GREB1L: variants seen among roughly 807,000 people sequenced by gnomAD.
The protein encoded by GREB1L is GREB1-like protein.
A neutral mutation model predicts 200.8 loss-of-function variants in GREB1L; 17 were observed. The ratio of observed to expected loss-of-function variants is 0.08; its 90% CI spans 0.06 to 0.13. The LOEUF is 0.13. Ranked by LOEUF, GREB1L falls within the 10% of genes least tolerant of loss-of-function variation. GREB1L has a pLI of 1.00. For missense variants in GREB1L, 1,657 were observed against 2,367.7 expected, an observed-to-expected ratio of 0.70 and a Z score of 6.23; for synonymous variants, 789 against 893.0, an observed-to-expected ratio of 0.88 and a Z score of 2.08.
chr18:21,267,442 A>G (rs1444793772), intron 1 of GREB1L, among the ~76,000 whole-genome samples: 1 of 152,146 alleles, frequency 6.6e-6, no homozygotes, highest in African/African-American at 2.4e-5. Flanking sequence ...TCGGTCTCCC[A>G]AAGTGCTGGG....
chr18:21,516,520 C>T, intron 29 of GREB1L, 93 bp from the exon 30 acceptor site: 1 of 1,254,172 alleles, frequency 8.0e-7, no homozygotes, highest in Non-Finnish European at 1.1e-6. Flanking sequence ...TTTTAGGCTC[C>T]TAATATCTTG....
At chr18:21,455,989 C>T (rs2034746151) in intron 15 of GREB1L, among the ~76,000 whole-genome samples, 1 of 151,030 alleles carries the variant, frequency 6.6e-6, no homozygotes, top group South Asian at 2.1e-4. Flanking sequence ...CTGCAACCTC[C>T]ACCTCCTGGG....
intron 18 of GREB1L, among the ~76,000 whole-genome samples, chr18:21,489,610 C>T (rs2036252771): frequency 6.6e-6 from 1 of 152,074 alleles, no homozygotes; most frequent in Admixed American, 6.5e-5. Context: ...AATAGACCAG[C>T]GTGTCTCAGA....
At position 21,495,763 on chromosome 18, in the gene GREB1L, C is replaced by G; in HGVS notation, c.3124C>G (p.Pro1042Ala). 6.5e-7 allele frequency: 1 copy of G among 1,535,920 alleles called. No homozygotes were observed. The highest frequency in any genetic ancestry group is 1.2e-5 in the South Asian group (1 of 83,052). Reference sequence around the variant, plus strand: ...TATTGTGATATTAACTGGCAAAGATCCTCTTGGAGAAACCTTTCCCAGGTA... The same window carrying G: ...TATTGTGATATTAACTGGCAAAGATGCTCTTGGAGAAACCTTTCCCAGGTA... ...PCIVILTGKD[P>A]LGETFPRSLK... is the part of the protein sequence containing the mutation. Residue 1042 changes from proline to alanine, a missense_variant, in exon 20 of 33, where the codon CCT (proline) becomes GCT (alanine). Physicochemically the swap from Pro to Ala is conservative, Grantham distance 27 (BLOSUM62 -1). This residue lies in a region of GREB1L where 512 missense variants were observed against 668.3 expected (regional missense o/e 0.77). Transcript: ENST00000424526.
chr18:21,511,212 A>G (rs1368728232), intron 27 of GREB1L, among the ~76,000 whole-genome samples: 2 of 152,078 alleles, frequency 1.3e-5, no homozygotes, highest in African/African-American at 4.8e-5. Flanking sequence ...TAAAAATACA[A>G]AATTAGCCTG....
chr18:21,265,945 ATAAT>A (rs1258571970), intron 1 of GREB1L, among the ~76,000 whole-genome samples: 1 of 152,202 alleles, frequency 6.6e-6, no homozygotes, highest in Non-Finnish European at 1.5e-5. Context: ...CTTCCAAGAA[ATAAT>A]TAAGAGACTA....
intron 1 of GREB1L, among the ~76,000 whole-genome samples, chr18:21,329,875 T>G (rs1339130016): frequency 6.6e-6 from 1 of 151,796 alleles, no homozygotes; most frequent in Non-Finnish European, 1.5e-5. Context: ...AACTCACTCT[T>G]TCTTGATTTC....
At chr18:21,347,405 C>G (rs570837061) in intron 1 of GREB1L, among the ~76,000 whole-genome samples, 1 of 152,182 alleles carries the variant, frequency 6.6e-6, no homozygotes, top group East Asian at 1.9e-4. Flanking sequence ...TCCCTTCCTG[C>G]TTCTGCTGCT....
chr18:21,403,080 C>T (rs1192718813), intron 6 of GREB1L, among the ~76,000 whole-genome samples: 1 of 152,082 alleles, frequency 6.6e-6, no homozygotes, highest in Non-Finnish European at 1.5e-5. Flanking sequence ...CTTGGAGACA[C>T]TCTAAAGGAC....
intron 7 of GREB1L, among the ~76,000 whole-genome samples, chr18:21,414,794 T>C (rs1323589876): frequency 2.0e-5 from 3 of 152,068 alleles, no homozygotes; most frequent in Non-Finnish European, 2.9e-5. Context: ...CAACATTTGC[T>C]CCTGGCCCAA....
At position 21,524,599 on chromosome 18, in the gene GREB1L, A is replaced by G. The variant is rs1011115153; in HGVS notation, c.*1778A>G. ...AACCCACTGTCTGTGCAATATTCCA[A>G]TAACATTTACATAGGGCAAATAAAA... On this transcript the variant is annotated 3_prime_UTR_variant, in exon 33 of 33. Transcript: ENST00000424526. 3 of 152,226 alleles carry G rather than the reference A, an allele frequency of 2.0e-5. No individual in the cohort carries two copies. The highest frequency in any genetic ancestry group is 6.5e-5 in the Admixed American group (1 of 15,276). The allele number at this position is 152,226 out of a possible 1,614,324, so 9.4% of individuals were successfully genotyped here. A position where few individuals can be genotyped will look rare whatever the true frequency, so the allele number is the denominator to read the frequency against.
intron 1 of GREB1L, among the ~76,000 whole-genome samples, chr18:21,303,588 G>A (rs1240368728): frequency 2.0e-5 from 3 of 152,186 alleles, no homozygotes; most frequent in Non-Finnish European, 4.4e-5. Context: ...CCTGTAGGCT[G>A]TTACTTTGCT....
chr18:21,434,067 A>G (rs182242062), intron 7 of GREB1L, among the ~76,000 whole-genome samples: 25 of 152,314 alleles, frequency 1.6e-4, no homozygotes, highest in Non-Finnish European at 3.2e-4. Context: ...AAAAAAAACT[A>G]AAGCAACTTT....
At chr18:21,427,222 G>A (rs1482691230) in intron 7 of GREB1L, among the ~76,000 whole-genome samples, 2 of 152,008 alleles carry the variant, frequency 1.3e-5, no homozygotes, top group Non-Finnish European at 2.9e-5. Context: ...AGTGTTTTGT[G>A]GCCAGATGTG....
intron 1 of GREB1L, among the ~76,000 whole-genome samples, chr18:21,313,528 G>A (rs1256568095): frequency 6.6e-6 from 1 of 152,114 alleles, no homozygotes. Context: ...AGCTAATGAG[G>A]GGCAAAGGAG....
intron 30 of GREB1L, among the ~76,000 whole-genome samples, chr18:21,517,316 A>C (rs2037454582): frequency 6.6e-6 from 1 of 152,160 alleles, no homozygotes; most frequent in Non-Finnish European, 1.5e-5. Context: ...TTAAGCCTTA[A>C]CACATCCTTC....
At chr18:21,400,832 G>C (rs1386300064) in intron 5 of GREB1L, among the ~76,000 whole-genome samples, 2 of 152,110 alleles carry the variant, frequency 1.3e-5, no homozygotes, top group African/African-American at 4.8e-5. Context: ...CTAGAACCAA[G>C]CTTTTCATTA....
chr18:21,410,899 T>C (rs1157330046), intron 7 of GREB1L, among the ~76,000 whole-genome samples: 1 of 150,374 alleles, frequency 6.7e-6, no homozygotes, highest in East Asian at 2.0e-4. Flanking sequence ...GAGGCTGCAG[T>C]GAGCTAGGAT....
intron 2 of GREB1L, among the ~76,000 whole-genome samples, chr18:21,377,925 C>T (rs999035150): frequency 6.6e-6 from 1 of 151,952 alleles, no homozygotes; most frequent in African/African-American, 2.4e-5. Context: ...AAAACAGAGA[C>T]AAGGTATCAT....
Sources: gnomAD v4.1 joint callset for allele counts (sites outside exome capture counted in the v4.1 genomes callset) on GRCh38, gnomAD v4.1.1 for gene constraint, gnomAD v4.1.1 regional missense constraint, MANE v1.5 for transcripts, NCBI Gene and HGNC (gene_info 2026-07-23, HGNC 2026-07-21) for gene names.